GFI1B: variants seen among roughly 807,000 people sequenced by gnomAD.
The protein encoded by GFI1B is zinc finger protein Gfi-1b.
Under a neutral mutation model 35.3 loss-of-function variants are expected in GFI1B, and 20 were observed. That is an observed-to-expected ratio of 0.57 (90% CI 0.40 to 0.82). The LOEUF (loss-of-function observed/expected upper bound fraction) is 0.82. Ranked by LOEUF, GFI1B falls within the 40% of genes least tolerant of loss-of-function variation. The probability of loss-of-function intolerance (pLI) is 0.00; values close to 1 mark genes in which losing one functional copy is unlikely to be tolerated. For synonymous variants in GFI1B, 178 were observed against 177.6 expected (o/e 1.00, Z -0.02); for missense variants, 430 against 446.3 (o/e 0.96, Z 0.33).
At chr9:132,969,313 G>A (rs1049147069) in intron 1 of GFI1B, among the ~76,000 whole-genome samples, 1 of 152,230 alleles carries the variant, frequency 6.6e-6, no homozygotes. Flanking sequence ...TTACAGGCGT[G>A]AGCCACTGTG....
intron 1 of GFI1B, among the ~76,000 whole-genome samples, chr9:132,965,787 G>A (rs770116915): frequency 1.2e-4 from 19 of 152,286 alleles, no homozygotes; most frequent in Middle Eastern, 3.4e-3. Flanking sequence ...CTTGATTTCC[G>A]ACTTCCAGCC....
chr9:132,948,216 T>C (rs1477399369), intron 1 of GFI1B, among the ~76,000 whole-genome samples: 1 of 152,132 alleles, frequency 6.6e-6, no homozygotes, highest in East Asian at 1.9e-4. Context: ...AAGCAATTTT[T>C]CTCTTTCCTT....
At chr9:132,965,030 C>A (rs1390916809) in intron 1 of GFI1B, among the ~76,000 whole-genome samples, 1 of 152,108 alleles carries the variant, frequency 6.6e-6, no homozygotes, top group Non-Finnish European at 1.5e-5. Flanking sequence ...TTTACTATGG[C>A]CCCCATATTC....
intron 1 of GFI1B, among the ~76,000 whole-genome samples, chr9:132,956,744 C>G (rs562276735): frequency 1.3e-5 from 2 of 152,346 alleles, no homozygotes; most frequent in African/African-American, 4.8e-5. Flanking sequence ...TGGAACAACA[C>G]CACCTATTAT....
chr9:132,969,609 TC>T (rs1457387003), intron 1 of GFI1B, among the ~76,000 whole-genome samples: 1 of 152,220 alleles, frequency 6.6e-6, no homozygotes, highest in Non-Finnish European at 1.5e-5. Flanking sequence ...TGTGCAAAGA[TC>T]TTTCCGCGTG....
chr9:132,946,491 C>A (rs1404808951), intron 1 of GFI1B: 2 of 152,244 alleles, frequency 1.3e-5, no homozygotes, highest in Non-Finnish European at 2.9e-5. Flanking sequence ...TCTTCTGTGT[C>A]ACCACCCAAG....
chr9:132,977,123 A>G (rs1006031266), upstream of GFI1B, among the ~76,000 whole-genome samples: 10 of 152,032 alleles, frequency 6.6e-5, no homozygotes, highest in Non-Finnish European at 1.0e-4. Context: ...ACACCCAGCT[A>G]ATTTTGTATT....
intron 1 of GFI1B, chr9:132,951,808 T>A (rs1244255140): frequency 6.6e-6 from 1 of 152,194 alleles, no homozygotes; most frequent in African/African-American, 2.4e-5. Flanking sequence ...CTCACTCCAG[T>A]CCAGACTAGA....
chr9:132,981,172 C>T (rs1457669404), intron 1 of GFI1B, among the ~76,000 whole-genome samples: 2 of 152,226 alleles, frequency 1.3e-5, no homozygotes, highest in Admixed American at 1.3e-4. Context: ...GCTGGGATTA[C>T]AGGTGTGAGC....
intron 1 of GFI1B, among the ~76,000 whole-genome samples, chr9:132,983,360 C>A (rs1397602666): frequency 6.6e-6 from 1 of 151,904 alleles, no homozygotes; most frequent in Non-Finnish European, 1.5e-5. Flanking sequence ...CCATGCCCGG[C>A]TAATTTTTGT....
At chr9:132,963,756 T>C (rs1322485691) in intron 1 of GFI1B, 1 of 152,148 alleles carries the variant, frequency 6.6e-6, no homozygotes, top group Non-Finnish European at 1.5e-5. Context: ...TTTTAGAATT[T>C]GTCTAGCAGG....
At chr9:132,990,244 C>T (rs1849244241) in intron 6 of GFI1B, among the ~76,000 whole-genome samples, 1 of 146,972 alleles carries the variant, frequency 6.8e-6, no homozygotes. Context: ...TTCGCTCACT[C>T]ATTTGCTCAT....
intron 1 of GFI1B, among the ~76,000 whole-genome samples, chr9:132,985,418 G>A (rs1049493760): frequency 2.0e-5 from 3 of 152,150 alleles, no homozygotes; most frequent in African/African-American, 7.2e-5. Flanking sequence ...CACGGAAGCT[G>A]GGGGCTGTTC....
At chr9:132,951,358 G>C (rs898627002) in intron 1 of GFI1B, 15 of 152,150 alleles carry the variant, frequency 9.9e-5, no homozygotes, top group African/African-American at 3.6e-4. Context: ...CACAGCAGGG[G>C]CCCTAACGCA....
At chr9:132,988,031 A>G (rs993054268) in intron 3 of GFI1B, among the ~76,000 whole-genome samples, 166 bp from the exon 4 acceptor site, 10 of 152,040 alleles carry the variant, frequency 6.6e-5, no homozygotes, top group African/African-American at 2.4e-4. Context: ...TTTTTGGTAG[A>G]GACAGAGTTT....
intron 1 of GFI1B, among the ~76,000 whole-genome samples, chr9:132,950,567 T>C (rs1431747696): frequency 7.2e-6 from 1 of 138,306 alleles, no homozygotes; most frequent in Non-Finnish European, 1.6e-5. Flanking sequence ...TTTTTTTTTT[T>C]TTTTTTTTTG....
At chr9:132,984,328 C>T (rs1317852163) in intron 1 of GFI1B, among the ~76,000 whole-genome samples, 1 of 151,996 alleles carries the variant, frequency 6.6e-6, no homozygotes, top group Non-Finnish European at 1.5e-5. Flanking sequence ...GTGGGGAGCC[C>T]TGGTGAGGGA....
intron 2 of GFI1B, chr9:132,972,829 CG>C (rs1416617786): frequency 6.6e-6 from 1 of 152,152 alleles, no homozygotes; most frequent in Non-Finnish European, 1.5e-5. Context: ...GGTGGGGAGT[CG>C]GAGGGCAGTG....
chr9:132,963,833 G>C (rs1214877874), intron 1 of GFI1B: 3 of 152,168 alleles, frequency 2.0e-5, no homozygotes, highest in Non-Finnish European at 4.4e-5. Context: ...GGGACTGATT[G>C]AATAAACTAT....
Sources: gnomAD v4.1 joint callset for allele counts (sites outside exome capture counted in the v4.1 genomes callset) on GRCh38, gnomAD v4.1.1 for gene constraint, MANE v1.5 for transcripts, NCBI Gene and HGNC (gene_info 2026-07-23, HGNC 2026-07-21) for gene names.